Variants in PRKAR1B observed in about 807,000 individuals in gnomAD.
PRKAR1B encodes the protein protein kinase cAMP-dependent type I regulatory subunit beta, also known as cAMP-dependent protein kinase type I-beta regulatory subunit.
A neutral mutation model predicts 46.5 loss-of-function variants in PRKAR1B; 22 were observed. The observed-to-expected ratio is 0.47, with a 90% confidence interval of 0.34 to 0.68. The LOEUF (loss-of-function observed/expected upper bound fraction) is 0.68. PRKAR1B is among the 30% of genes least tolerant of loss of function. The pLI is 0.01. For missense variants in PRKAR1B, 445 were observed against 535.6 expected (o/e 0.83, Z 1.67); for synonymous variants, 259 against 217.7 (o/e 1.19, Z -1.67).
At chr7:576,075 C>T (rs1407206386) in intron 9 of PRKAR1B, among the ~76,000 whole-genome samples, 1 of 150,464 alleles carries the variant, frequency 6.6e-6, no homozygotes, top group Non-Finnish European at 1.5e-5. Context: ...GCATCCTCTC[C>T]TCTGCACACA....
At chr7:596,621 C>T (rs543681414) in intron 6 of PRKAR1B, among the ~76,000 whole-genome samples, 5 of 152,366 alleles carry the variant, frequency 3.3e-5, no homozygotes, top group East Asian at 1.9e-4. Context: ...TGCGGCACAG[C>T]GGCCCCAGCC....
chr7:623,921 T>A (rs555104323), intron 4 of PRKAR1B, among the ~76,000 whole-genome samples: 7 of 152,288 alleles, frequency 4.6e-5, no homozygotes, highest in Admixed American at 4.6e-4. Flanking sequence ...ACCCTGTGGA[T>A]CTAGGGAAGG....
At chr7:704,975 T>C (rs1780243315) in intron 2 of PRKAR1B, among the ~76,000 whole-genome samples, 1 of 151,796 alleles carries the variant, frequency 6.6e-6, no homozygotes, top group East Asian at 2.0e-4. Context: ...TCAACAACTT[T>C]AGTCATCAGG....
chr7:629,693 A>G (rs78821390), intron 4 of PRKAR1B, among the ~76,000 whole-genome samples: 274 of 7,072 alleles, frequency 0.039, 18 homozygotes, highest in Admixed American at 0.062. Flanking sequence ...CACCACCCCA[A>G]GGCTGGAAAA....
rs1012420479 is a variant in PRKAR1B, at chr7:634,942, C to A, written c.441-27490G>T. ...GGTGTGAGCCACCGCACCCAGCCTG[C>A]AACTTACTCTCAAATGATCCAAATA... On this transcript the variant is annotated intron_variant, in intron 4 of 10. Transcript: ENST00000537384. Among the ~76,000 whole-genome samples the A allele has an allele frequency of 2.0e-5, 3 of 152,096 alleles. No homozygotes were observed. The East Asian group carries it at 5.8e-4, about 29-fold the overall frequency.
intron 2 of PRKAR1B, among the ~76,000 whole-genome samples, chr7:710,486 G>A (rs1048857909): frequency 6.6e-6 from 1 of 152,046 alleles, no homozygotes; most frequent in African/African-American, 2.4e-5. Context: ...AAGGGGGTGA[G>A]AGGCATCATT....
At chr7:635,961 CCCTCA>C (rs1293728972) in intron 4 of PRKAR1B, among the ~76,000 whole-genome samples, 21 of 117,154 alleles carry the variant, frequency 1.8e-4, no homozygotes, top group Non-Finnish European at 3.4e-4. Context: ...ACCGGCCGCG[CCCTCA>C]CGTCCTCCAC....
At chr7:628,670 C>A (rs1471343453) in intron 4 of PRKAR1B, among the ~76,000 whole-genome samples, 1 of 152,218 alleles carries the variant, frequency 6.6e-6, no homozygotes, top group Non-Finnish European at 1.5e-5. Context: ...AAAGCAGGCC[C>A]ACTCTGCAGA....
At chr7:720,462 G>A (rs1235721897) in intron 1 of PRKAR1B, among the ~76,000 whole-genome samples, 2 of 152,236 alleles carry the variant, frequency 1.3e-5, no homozygotes, top group South Asian at 2.1e-4. Flanking sequence ...TGAATTCTGC[G>A]ATTGTTGAGT....
intron 8 of PRKAR1B, among the ~76,000 whole-genome samples, chr7:582,420 G>A (rs1163157380): frequency 6.6e-5 from 10 of 152,234 alleles, no homozygotes; most frequent in African/African-American, 1.9e-4. Context: ...ACACCGCCCC[G>A]CCAGCCACTT....
At chr7:682,082 G>A (rs1341894274) in intron 2 of PRKAR1B, among the ~76,000 whole-genome samples, 3 of 152,136 alleles carry the variant, frequency 2.0e-5, no homozygotes, top group African/African-American at 7.2e-5. Flanking sequence ...GCAGGGAGGA[G>A]GGAGAGGAGA....
intron 4 of PRKAR1B, among the ~76,000 whole-genome samples, chr7:623,466 A>C (rs1291751529): frequency 6.6e-6 from 1 of 152,202 alleles, no homozygotes; most frequent in Non-Finnish European, 1.5e-5. Flanking sequence ...ACCCACCATA[A>C]TCAATATGTG....
intron 4 of PRKAR1B, among the ~76,000 whole-genome samples, chr7:660,780 T>TC (rs1785489949): frequency 2.5e-5 from 2 of 79,524 alleles, no homozygotes; most frequent in Non-Finnish European, 4.7e-5. Context: ...ATAGCACAGG[T>TC]CCCCACCCCA....
intron 9 of PRKAR1B, among the ~76,000 whole-genome samples, chr7:562,878 A>G (rs1328417981): frequency 6.6e-6 from 1 of 150,900 alleles, no homozygotes. Flanking sequence ...ATGCCCAGAC[A>G]CCAGCAGAGA....
At chr7:617,590 C>T (rs1782898937) in intron 4 of PRKAR1B, among the ~76,000 whole-genome samples, 1 of 152,210 alleles carries the variant, frequency 6.6e-6, no homozygotes, top group Non-Finnish European at 1.5e-5. Flanking sequence ...GGTCAAGTCC[C>T]ACCCAGCCCT....
rs1402092386 is a variant in PRKAR1B at position 714,734 on chromosome 7, C to T, written c.-22-3207G>A. On this transcript the variant is annotated intron_variant, in intron 1 of 10. Transcript: ENST00000537384. The surrounding 1 kb of genome is among the most constrained non-coding windows in gnomAD (Gnocchi z 4.3). ...CTTACTGGCTTGAGCCAAGGACAGA[C>T]GCTTCCTTAGTGTCCTGCTCACTGT... Among the ~76,000 whole-genome samples the T allele has an allele frequency of 2.0e-5, 3 of 152,230 alleles. No individual in the cohort carries two copies. The highest frequency in any genetic ancestry group is 2.1e-4 in the South Asian group (1 of 4,836).
intron 4 of PRKAR1B, among the ~76,000 whole-genome samples, chr7:660,321 C>T (rs928465109): frequency 6.6e-6 from 1 of 152,064 alleles, no homozygotes; most frequent in African/African-American, 2.4e-5. Flanking sequence ...CTCTCGACAC[C>T]TCCCCGGGTG....
chr7:583,686 G>T (rs1296060826), intron 8 of PRKAR1B, among the ~76,000 whole-genome samples: 11 of 114,542 alleles, frequency 9.6e-5, no homozygotes, highest in Non-Finnish European at 1.8e-4. Flanking sequence ...AACCCACACG[G>T]TGCACTCACA....
chr7:689,970 C>T (rs929098414), intron 2 of PRKAR1B, among the ~76,000 whole-genome samples: 2 of 151,214 alleles, frequency 1.3e-5, no homozygotes, highest in Non-Finnish European at 3.0e-5. Flanking sequence ...CATGAGCCAC[C>T]GCGCCTGGCC....
Sources: allele counts gnomAD v4.1 joint callset (sites outside exome capture counted in the v4.1 genomes callset), GRCh38; gene constraint gnomAD v4.1.1; non-coding constraint Gnocchi (gnomAD v3.1); transcripts MANE v1.5; gene names NCBI Gene and HGNC (gene_info 2026-07-23, HGNC 2026-07-21).